LUZP2: variants seen among roughly 807,000 people sequenced by gnomAD.
LUZP2 encodes the protein leucine zipper protein 2.
LUZP2 carries 52 observed loss-of-function variants against 51.6 expected under a neutral mutation model. The observed-to-expected ratio is 1.01, with a 90% CI of 0.81 to 1.27. The LOEUF is 1.27. Among genes scored for constraint, LUZP2 ranks in the 50% most tolerant of loss-of-function variants. The pLI, the probability that LUZP2 is intolerant of heterozygous loss-of-function variation, is 0.00. For synonymous variants in LUZP2, 154 were observed against 137.3 expected (o/e 1.12, Z -0.85); for missense variants, 436 against 395.4 (o/e 1.10, Z -0.87).
At chr11:25,037,123 A>G (rs1028709864) in intron 9 of LUZP2, among the ~76,000 whole-genome samples, 25 of 152,040 alleles carry the variant, frequency 1.6e-4, no homozygotes, top group African/African-American at 6.0e-4. Flanking sequence ...TTCTTTTCTA[A>G]ATCTGGGTGC....
At chr11:24,765,446 G>A (rs1362005237) in intron 5 of LUZP2, among the ~76,000 whole-genome samples, 4 of 152,016 alleles carry the variant, frequency 2.6e-5, no homozygotes, top group East Asian at 3.9e-4. Context: ...TGCCTATTTT[G>A]TTGAGGGTTT....
chr11:24,542,415 A>G (rs1245840809), intron 1 of LUZP2, among the ~76,000 whole-genome samples: 3 of 152,048 alleles, frequency 2.0e-5, no homozygotes, highest in Non-Finnish European at 4.4e-5. Context: ...AGCCCTTAAG[A>G]CACAAGAAAA....
chr11:24,531,699 G>T (rs1459444947), intron 1 of LUZP2, among the ~76,000 whole-genome samples: 1 of 150,660 alleles, frequency 6.6e-6, no homozygotes, highest in Non-Finnish European at 1.5e-5. Context: ...TTCTACGCTG[G>T]CTCATTTTGT....
intron 1 of LUZP2, among the ~76,000 whole-genome samples, chr11:24,712,347 G>C (rs1422006235): frequency 6.6e-6 from 1 of 152,012 alleles, no homozygotes; most frequent in East Asian, 1.9e-4. Flanking sequence ...CTTGAGCCCA[G>C]AAAGTCGAGG....
At chr11:24,628,700 A>T (rs1171813131) in intron 1 of LUZP2, among the ~76,000 whole-genome samples, 1 of 152,148 alleles carries the variant, frequency 6.6e-6, no homozygotes, top group African/African-American at 2.4e-5. Context: ...CTGGGATTAA[A>T]GCCACACAAC....
At chr11:24,690,119 AG>A (rs1857021886) in intron 1 of LUZP2, among the ~76,000 whole-genome samples, 2 of 152,162 alleles carry the variant, frequency 1.3e-5, no homozygotes, top group Non-Finnish European at 2.9e-5. Flanking sequence ...CCCTCATTAT[AG>A]TAACTATGTT....
At chr11:24,794,941 G>A (rs1350727029) in intron 5 of LUZP2, among the ~76,000 whole-genome samples, 1 of 152,072 alleles carries the variant, frequency 6.6e-6, no homozygotes, top group African/African-American at 2.4e-5. Flanking sequence ...ATTTGGCCAT[G>A]AATAACATCT....
intron 4 of LUZP2, among the ~76,000 whole-genome samples, chr11:24,749,994 A>G (rs2134006692): frequency 6.6e-6 from 1 of 152,246 alleles, no homozygotes; most frequent in South Asian, 2.1e-4. Context: ...TCATATATAC[A>G]TGTATCCTGT....
Position 24,998,052 on chromosome 11 carries a change from G to A in LUZP2, c.765+14759G>A, listed in dbSNP as rs867307277. On this transcript the variant is annotated intron_variant, in intron 9 of 11. Coordinates refer to ENST00000336930, the MANE Select transcript of LUZP2 (RefSeq NM_001009909.4). The stretch of plus-strand genomic sequence containing the variant: ...GTAATATAGTTTGAAGTCAGGTAGC[G>A]TGATGCCTCCAGCTTTGTTCTTTTT... Among the ~76,000 whole-genome samples the A allele has an allele frequency of 1.9e-4, 29 of 152,232 alleles. No homozygotes were observed. In the East Asian group the frequency reaches 1.9e-3, roughly 10 times the overall value.
At chr11:24,602,372 G>GTATA (rs1397371805) in intron 1 of LUZP2, among the ~76,000 whole-genome samples, 2 of 51,504 alleles carry the variant, frequency 3.9e-5, no homozygotes, top group African/African-American at 1.4e-4. Flanking sequence ...AAGTGTGTGT[G>GTATA]TGTATATATA....
intron 5 of LUZP2, among the ~76,000 whole-genome samples, chr11:24,886,658 T>C (rs1295799668): frequency 6.6e-6 from 1 of 152,204 alleles, no homozygotes; most frequent in Non-Finnish European, 1.5e-5. Context: ...CCATAAATAC[T>C]AAAGAAAGTA....
rs1330058248 is a variant in LUZP2 at position 24,741,950 on chromosome 11, TATATATTATATATAAATATATA to T, written c.333+3649_333+3670del. Among the ~76,000 whole-genome samples the T allele has an allele frequency of 1.4e-4, 18 of 131,542 alleles. 1 individual carries two copies. In the East Asian group the frequency reaches 2.7e-3, roughly 20 times the overall value. The allele number at this position is 131,542 out of a possible 152,430, so 86.3% of individuals were successfully genotyped here. A position where few individuals can be genotyped will look rare whatever the true frequency, so the allele number is the denominator to read the frequency against. ...TATATTATATATAAATATATACATT[TATATATTATATATAAATATATA>T]CATTTATATATTATATATAAATGTA... On this transcript the variant is annotated intron_variant, in intron 4 of 11. Coordinates refer to ENST00000336930, the MANE Select transcript of LUZP2 (RefSeq NM_001009909.4).
intron 5 of LUZP2, among the ~76,000 whole-genome samples, chr11:24,780,872 C>T (rs575979835): frequency 6.6e-6 from 1 of 152,130 alleles, no homozygotes; most frequent in Non-Finnish European, 1.5e-5. Context: ...TTTAAGAACA[C>T]TACTAAAGAC....
chr11:24,501,643 G>A (rs2133750695), intron 1 of LUZP2, among the ~76,000 whole-genome samples: 1 of 152,226 alleles, frequency 6.6e-6, no homozygotes, highest in Non-Finnish European at 1.5e-5. Flanking sequence ...AATCCAAAAA[G>A]ACTCTCTGAA....
chr11:25,006,961 A>G (rs1417932516), intron 9 of LUZP2, among the ~76,000 whole-genome samples: 1 of 152,132 alleles, frequency 6.6e-6, no homozygotes, highest in African/African-American at 2.4e-5. Flanking sequence ...GCCCAGCCAC[A>G]TCCTGCTGAT....
intron 5 of LUZP2, among the ~76,000 whole-genome samples, chr11:24,832,865 G>C (rs111946547): frequency 0.065 from 9,858 of 151,960 alleles, 485 homozygotes; most frequent in African/African-American, 0.14. Flanking sequence ...CAGATAGATA[G>C]ATAAAATGGA....
chr11:24,926,657 G>A lies in LUZP2; in HGVS notation c.522+12119G>A, dbSNP rs150158850. On this transcript the variant is annotated intron_variant, in intron 7 of 11. Transcript: ENST00000336930. ...TATATGTATATATATATATGTGTGT[G>A]TATATATATATGTGTGTGTGTGTGT... Among the ~76,000 whole-genome samples the A allele has an allele frequency of 3.8e-3, 417 of 111,164 alleles. 2 individuals are homozygous for A. The highest frequency in any genetic ancestry group is 0.011 in the African/African-American group (355 of 31,698). The allele number at this position is 111,164 out of a possible 152,430, so 72.9% of individuals were successfully genotyped here.
At chr11:25,052,553 T>G (rs972507212) in intron 10 of LUZP2, among the ~76,000 whole-genome samples, 2 of 152,208 alleles carry the variant, frequency 1.3e-5, no homozygotes, top group Non-Finnish European at 2.9e-5. Flanking sequence ...ATCTGGAAAT[T>G]TTTAATAAAT....
At chr11:25,026,237 C>T (rs545654426) in intron 9 of LUZP2, among the ~76,000 whole-genome samples, 46 of 152,058 alleles carry the variant, frequency 3.0e-4, no homozygotes, top group Admixed American at 5.9e-4. Context: ...CACATGTATA[C>T]ATATGTAACA....
Sources: gnomAD v4.1 joint callset for allele counts (sites outside exome capture counted in the v4.1 genomes callset) on GRCh38, gnomAD v4.1.1 for gene constraint, MANE v1.5 for transcripts, NCBI Gene and HGNC (gene_info 2026-07-23, HGNC 2026-07-21) for gene names.